Variants in TCF4 observed in about 807,000 individuals in gnomAD.
TCF4 encodes the protein SL3-3 enhancer factor 2.
In TCF4, 3 loss-of-function variants were observed where a neutral mutation model predicts 82.1. The observed-to-expected ratio is 0.04, with a 90% CI of 0.02 to 0.09. The LOEUF (loss-of-function observed/expected upper bound fraction) is 0.09, where lower values mean the gene tolerates loss of function less well. Among genes scored for constraint, TCF4 ranks in the 10% least tolerant of loss-of-function variants. The pLI is 1.00. For synonymous variants in TCF4, 276 were observed against 309.6 expected, an observed-to-expected ratio of 0.89 and a Z score of 1.14; for missense variants, 518 against 852.7, an observed-to-expected ratio of 0.61 and a Z score of 4.89.
chr18:55,484,307 T>C (rs1307033979), intron 3 of TCF4, among the ~76,000 whole-genome samples: 1 of 152,216 alleles, frequency 6.6e-6, no homozygotes, highest in Non-Finnish European at 1.5e-5. Context: ...TAATACTGAC[T>C]CTGAGAAGCA....
chr18:55,533,501 C>T (rs892153666), intron 3 of TCF4, among the ~76,000 whole-genome samples: 2 of 152,290 alleles, frequency 1.3e-5, no homozygotes, highest in African/African-American at 4.8e-5. Flanking sequence ...GCCTCCTCAG[C>T]TGCTCTCAAG....
intron 6 of TCF4, among the ~76,000 whole-genome samples, chr18:55,369,906 GTTTTA>G (rs1569228013): frequency 7.1e-6 from 1 of 141,384 alleles, no homozygotes; most frequent in Non-Finnish European, 1.5e-5. Context: ...GAACATCAGA[GTTTTA>G]TTTGTGTGTG....
intron 3 of TCF4, among the ~76,000 whole-genome samples, chr18:55,569,814 A>C (rs897583438): frequency 2.6e-5 from 4 of 152,204 alleles, no homozygotes; most frequent in African/African-American, 9.6e-5. Flanking sequence ...CATTAAATGC[A>C]TAATAATTCT....
intron 3 of TCF4, among the ~76,000 whole-genome samples, chr18:55,511,490 GC>G (rs952238909): frequency 5.3e-5 from 8 of 151,998 alleles, no homozygotes; most frequent in African/African-American, 1.9e-4. Flanking sequence ...ACACTGACTT[GC>G]AAAAATGGCA....
At chr18:55,587,855 CG>C (rs1170136886) in intron 1 of TCF4, among the ~76,000 whole-genome samples, 182 bp downstream of exon 1, 2 of 6,586 alleles carry the variant, frequency 3.0e-4, no homozygotes, top group African/African-American at 5.4e-4. Context: ...AGGGGAGGGG[CG>C]GGGGGGCTGG....
At chr18:55,355,215 T>C (rs917900737) in intron 6 of TCF4, among the ~76,000 whole-genome samples, 7 of 152,164 alleles carry the variant, frequency 4.6e-5, no homozygotes, top group African/African-American at 1.7e-4. Flanking sequence ...ATGCAAAATA[T>C]ATGTGTAGGT....
intron 15 of TCF4, among the ~76,000 whole-genome samples, chr18:55,239,522 T>C (rs1266453219): frequency 6.6e-6 from 1 of 152,176 alleles, no homozygotes; most frequent in Non-Finnish European, 1.5e-5. Flanking sequence ...TGTCCATACA[T>C]GTATACACAC....
At chr18:55,532,136 A>G (rs1471247751) in intron 3 of TCF4, among the ~76,000 whole-genome samples, 5 of 152,216 alleles carry the variant, frequency 3.3e-5, no homozygotes, top group African/African-American at 1.2e-4. Flanking sequence ...TTTAAGCCAC[A>G]TAAGGTCCAT....
At chr18:55,444,428 C>T (rs1319879022) in intron 5 of TCF4, among the ~76,000 whole-genome samples, 2 of 152,018 alleles carry the variant, frequency 1.3e-5, no homozygotes, top group African/African-American at 2.4e-5. Flanking sequence ...GGATGGTGAC[C>T]GGGAATACAA....
At chr18:55,405,326 G>A (rs895029009) in intron 5 of TCF4, among the ~76,000 whole-genome samples, 4 of 152,156 alleles carry the variant, frequency 2.6e-5, no homozygotes, top group African/African-American at 9.7e-5. Context: ...TGTTTAACAG[G>A]TAGATAGGCA....
At chr18:55,545,920 A>G (rs1416609327) in intron 3 of TCF4, among the ~76,000 whole-genome samples, 4 of 152,110 alleles carry the variant, frequency 2.6e-5, no homozygotes, top group Non-Finnish European at 5.9e-5. Context: ...AGGTTCTGGT[A>G]TTTTTTTCCC....
In TCF4 at chr18:55,520,566, T is replaced by G. The variant is rs116993180; in HGVS notation, c.146-56429A>C. The stretch of plus-strand genomic sequence containing the variant: ...GTTAACCACATAGTAAATATGAGAC[T>G]ATCACATTATGTAAACCATGCAAAG... On this transcript the variant is annotated intron_variant, in intron 3 of 19. Transcript: ENST00000354452. Among the ~76,000 whole-genome samples the G allele has an allele frequency of 5.1e-3, 776 of 152,338 alleles. 4 individuals carry two copies. Among genetic ancestry groups the G allele is most frequent in the Non-Finnish European group, 9.0e-3 (609 of 68,028 alleles).
intron 8 of TCF4, among the ~76,000 whole-genome samples, chr18:55,303,555 G>T (rs1003614691): frequency 1.3e-5 from 2 of 152,128 alleles, no homozygotes; most frequent in East Asian, 1.9e-4. Context: ...TCCTTTTCCA[G>T]AATTCTTTGT....
chr18:55,302,825 G>A (rs1009536117), intron 8 of TCF4, among the ~76,000 whole-genome samples: 2 of 152,128 alleles, frequency 1.3e-5, no homozygotes, highest in Admixed American at 1.3e-4. Flanking sequence ...CAGTTCCTGT[G>A]ACCTCCTGGG....
intron 6 of TCF4, chr18:55,402,303 C>T (rs2093866338): frequency 1.2e-6 from 1 of 845,226 alleles, no homozygotes; most frequent in African/African-American, 1.8e-5. Flanking sequence ...GTCGTACCTT[C>T]CTATGTCTGG....
upstream of TCF4, chr18:55,591,088 C>G (rs2097684639): frequency 6.6e-6 from 1 of 152,210 alleles, no homozygotes; most frequent in Non-Finnish European, 1.5e-5. Flanking sequence ...TAACAGAGTT[C>G]AGATCAATTT....
chr18:55,306,773 G>A (rs1472677552), intron 8 of TCF4, among the ~76,000 whole-genome samples: 1 of 152,156 alleles, frequency 6.6e-6, no homozygotes, highest in African/African-American at 2.4e-5. Context: ...GGTTGCAAAG[G>A]GTTGCTTTAA....
chr18:55,391,726 A>C (rs905730772), intron 6 of TCF4, among the ~76,000 whole-genome samples: 2 of 151,630 alleles, frequency 1.3e-5, no homozygotes, highest in African/African-American at 4.8e-5. Flanking sequence ...TGAGGTCAGG[A>C]GTTTGAGACC....
intron 3 of TCF4, among the ~76,000 whole-genome samples, chr18:55,522,076 G>A (rs2096937874): frequency 6.6e-6 from 1 of 152,146 alleles, no homozygotes; most frequent in South Asian, 2.1e-4. Context: ...TATCTCCAAG[G>A]AGGTTAATTT....
Sources: allele counts gnomAD v4.1 joint callset (sites outside exome capture counted in the v4.1 genomes callset), GRCh38; gene constraint gnomAD v4.1.1; transcripts MANE v1.5; gene names NCBI Gene and HGNC (gene_info 2026-07-23, HGNC 2026-07-21).